AHNAK2: variants seen among roughly 807,000 people sequenced by gnomAD.
AHNAK2 encodes protein AHNAK2.
Under a neutral mutation model 30.7 loss-of-function variants are expected in AHNAK2, and 18 were observed. The ratio of observed to expected loss-of-function variants is 0.59; its 90% CI spans 0.41 to 0.87. AHNAK2 has a LOEUF of 0.87. AHNAK2 is among the 40% of genes least tolerant of loss of function. The pLI is 0.00. For synonymous variants in AHNAK2, 3,590 were observed against 3,073.8 expected (o/e 1.17, Z -5.56); for missense variants, 8,604 against 7,373.0 (o/e 1.17, Z -6.11).
rs770231375 is a variant in AHNAK2 at position 104,944,757 on chromosome 14, T to C, written c.10694A>G (p.Lys3565Arg). The change falls in exon 7 of 7, where the codon AAG becomes AGG. Residue 3565 changes from lysine (K) to arginine (R), a missense_variant. Physicochemically the swap from Lys to Arg is conservative, Grantham distance 26. Coordinates refer to ENST00000333244, the MANE Select transcript of AHNAK2 (RefSeq NM_138420.4). ...GCCCTTGAGGTCCACTTTGGGCGTC[T>C]TTAAACTGGGCATCTCCACTTTGGG... ...HLPKVEMPSL[K>R]TPKVDLKGPQ... 3.1e-6 allele frequency: 5 copies of C among 1,612,198 alleles called. No homozygotes were observed. The highest frequency in any genetic ancestry group is 1.3e-5 in the African/African-American group (1 of 74,708).
intron 1 of AHNAK2, among the ~76,000 whole-genome samples, chr14:104,977,165 G>A (rs909268814): frequency 1.3e-5 from 2 of 152,200 alleles, no homozygotes; most frequent in Non-Finnish European, 2.9e-5. Context: ...CAGCATTGTC[G>A]GCACCATTAG....
In AHNAK2 at chr14:104,957,411, T is replaced by G. The variant is rs374069856; in HGVS notation, c.212A>C (p.Gln71Pro). ...TGGGGCTCTGCCCAGCAGGCTCACC[T>G]GGAGTCCAAAGTCGGCAGCCTCAGT... ...YTTEAADFGL[Q>P]EDAPGRQGSA... Residue 71 changes from glutamine (Q) to proline (P), a missense_variant and splice_region_variant, in exon 3 of 7, where the codon CAG becomes CCG. Gln to Pro is a moderately conservative substitution (Grantham distance 76, BLOSUM62 -1). Transcript: ENST00000333244. 5.7e-6 allele frequency: 9 copies of G among 1,583,710 alleles called. No individual in the cohort carries two copies. Among genetic ancestry groups the G allele is most frequent in the Non-Finnish European group, 7.8e-6 (9 of 1,158,930 alleles).
Position 104,940,467 on chromosome 14 carries a change from A to G in AHNAK2, c.14984T>C (p.Val4995Ala), listed in dbSNP as rs1238812407. 1.2e-6 allele frequency: 2 copies of G among 1,613,786 alleles called. No individual in the cohort carries two copies. Among genetic ancestry groups the G allele is most frequent in the African/African-American group, 1.3e-5 (1 of 75,050 alleles). ...KLSLVLDKDEVAPQSAIHMDL... is the reference protein window; with the variant it reads ...KLSLVLDKDEAAPQSAIHMDL... ...CATGTGGATGGCAGACTGCGGGGCC[A>G]CTTCATCCTTGTCTAAAACCAGGCT... is the stretch of plus-strand genomic sequence containing the variant. Residue 4995 changes from valine to alanine, a missense_variant, in exon 7 of 7, where the codon GTG (valine) becomes GCG (alanine). By Grantham distance (64) the Val-to-Ala change is moderately conservative (BLOSUM62 0). Coordinates refer to ENST00000333244, the MANE Select transcript of AHNAK2 (RefSeq NM_138420.4). This position sits in a 1 kb window ranked among gnomAD's most constrained non-coding sequence, Gnocchi z 4.4.
Position 104,945,396 on chromosome 14 carries a change from T to C in AHNAK2, c.10055A>G (p.Lys3352Arg), listed in dbSNP as rs138075057. ...GAGCTGAATGCTGAGGTCAGTGGTCTTGAGGTCCCCCTGCATGGAGGGGAG... is the reference window on the plus strand; with the variant it reads ...GAGCTGAATGCTGAGGTCAGTGGTCCTGAGGTCCCCCTGCATGGAGGGGAG... Reference protein sequence around the residue: ...VSLPSMQGDLKTTDLSIQLPS... With the variant: ...VSLPSMQGDLRTTDLSIQLPS... Residue 3352 changes from lysine to arginine, a missense_variant, in exon 7 of 7, where the codon AAG (lysine) becomes AGG (arginine). Transcript: ENST00000333244. 1.9e-3 allele frequency: 3,107 copies of C among 1,612,970 alleles called. 73 individuals are homozygous for C. In the African/African-American group the frequency reaches 0.032, roughly 16 times the overall value.
rs1484894907 is a variant in AHNAK2 at position 104,954,614 on chromosome 14, G to C, written c.837C>G (p.His279Gln). 6.2e-7 allele frequency: 1 copy of C among 1,612,050 alleles called. No individual in the cohort carries two copies. The highest frequency in any genetic ancestry group is 1.3e-5 in the African/African-American group (1 of 74,892). Residue 279 changes from histidine (H) to glutamine (Q), a missense_variant, in exon 7 of 7, where the codon CAC (histidine) becomes CAG (glutamine). Transcript: ENST00000333244. This position sits in a 1 kb window ranked among gnomAD's most constrained non-coding sequence, Gnocchi z 4.3. ...TAGGTTCGTAGGCCTCTGACGAGCT[G>C]TGTGACCTCTGGGGTCCCGGCCCCC... ...SKRGPGPQRSHSSSEAYEPRD... is the reference protein window; with the variant it reads ...SKRGPGPQRSQSSSEAYEPRD...
At chr14:104,963,294 C>T (rs188950792) in intron 1 of AHNAK2, among the ~76,000 whole-genome samples, 172 of 152,300 alleles carry the variant, frequency 1.1e-3, no homozygotes, top group African/African-American at 3.4e-3. Context: ...AACAGACACA[C>T]GTACACAAAG....
Position 104,954,656 on chromosome 14 carries a change from T to C in AHNAK2, c.795A>G (p.Gln265=). Residue 265 remains glutamine (Q), a synonymous_variant, in exon 7 of 7, where the codon CAA becomes CAG. Coordinates refer to ENST00000333244, the MANE Select transcript of AHNAK2 (RefSeq NM_138420.4). This position sits in a 1 kb window ranked among gnomAD's most constrained non-coding sequence, Gnocchi z 4.3. ...QRERLSWPKF[Q]SIKSKRGPGP... The stretch of plus-strand genomic sequence containing the variant: ...CCGGCCCCCGCTTGCTCTTTATGGA[T>C]TGAAATTTTGGCCAAGAGAGCCTCT... The C allele has an allele frequency of 6.2e-7, 1 of 1,612,948 alleles. No homozygotes were observed. Among genetic ancestry groups the C allele is most frequent in the Non-Finnish European group, 8.5e-7 (1 of 1,179,736 alleles).
Position 104,943,266 on chromosome 14 carries a change from G to T in AHNAK2, c.12185C>A (p.Pro4062His). 6.2e-7 allele frequency: 1 copy of T among 1,612,906 alleles called. No homozygotes were observed. Among genetic ancestry groups the T allele is most frequent in the Non-Finnish European group, 8.5e-7 (1 of 1,179,528 alleles). The change falls in exon 7 of 7, where the codon CCC becomes CAC. Residue 4062 changes from proline to histidine, a missense_variant. By Grantham distance (77) the Pro-to-His change is moderately conservative. Transcript: ENST00000333244. ...PKVQMPSFKM[P>H]KVDLKGPQID... ...CTGGGGGCCCTTGAGGTCCACTTTG[G>T]GCATCTTGAAACTGGGCATCTGCAC...
At position 104,938,831 on chromosome 14, in the gene AHNAK2, T is replaced by C. The variant is rs756426575; in HGVS notation, c.16620A>G (p.Gln5540=). The C allele has an allele frequency of 6.2e-7, 1 of 1,613,968 alleles. No homozygotes were observed. Among genetic ancestry groups the C allele is most frequent in the African/African-American group, 1.3e-5 (1 of 75,056 alleles). The change falls in exon 7 of 7, where the codon CAA becomes CAG. Residue 5540 remains glutamine (Q), a synonymous_variant. Transcript: ENST00000333244. ...CTGTGCCCTCCTGAGTCCTAGAGTG[T>C]TGAGTCATTGTTGTGTACACTCTAG... ...TQARVYTTMT[Q]HSRTQEGTEE... is the part of the protein sequence containing the mutation.
chr14:104,942,672 G>C lies in AHNAK2; in HGVS notation c.12779C>G (p.Ser4260Cys). The C allele has an allele frequency of 1.9e-6, 3 of 1,613,498 alleles. No homozygotes were observed. The highest frequency in any genetic ancestry group is 2.5e-6 in the Non-Finnish European group (3 of 1,179,722). ...ADVMTPVVEV[S>C]LPSMEVDVEA... ...GACGTCCACCTCCATGCTGGGCAGA[G>C]ACACCTCCACGACGGGGGTCATCAC... is the stretch of plus-strand genomic sequence containing the variant. The change falls in exon 7 of 7, where the codon TCT becomes TGT. Residue 4260 changes from serine (S) to cysteine (C), a missense_variant. Ser to Cys is a moderately radical substitution (Grantham distance 112, BLOSUM62 -1). Coordinates refer to ENST00000333244, the MANE Select transcript of AHNAK2 (RefSeq NM_138420.4).
rs768330257 is a variant in AHNAK2, at chr14:104,941,399, A to G, written c.14052T>C (p.Gly4684=). The G allele has an allele frequency of 5.6e-6, 9 of 1,613,360 alleles. No homozygotes were observed. In the Admixed American group the frequency reaches 1.5e-4, roughly 27 times the overall value. Residue 4684 remains glycine, a synonymous_variant, in exon 7 of 7, where the codon GGT becomes GGC. Transcript: ENST00000333244. ...CTTCTCCAACAGCAAGCCCCAAGTT[A>G]CCATCGCGAGATGGATCATGAAGAT... ...EGDLHDPSRD[G]NLGLAVGEVG... is the part of the protein sequence containing the mutation.
intron 1 of AHNAK2, among the ~76,000 whole-genome samples, chr14:104,973,402 C>T (rs567543431): frequency 1.3e-5 from 2 of 152,306 alleles, no homozygotes; most frequent in South Asian, 2.1e-4. Context: ...AAGGAGCCCG[C>T]GGTGCTGGCT....
At position 104,943,730 on chromosome 14, in the gene AHNAK2, G is replaced by A; in HGVS notation, c.11721C>T (p.Asp3907=). ...PKVDLKGPEI[D]IKGPKLDLKD... is the part of the protein sequence containing the mutation. ...TTAGGTCCAGCTTGGGGCCCTTGAT[G>A]TCTATTTCAGGGCCCTTGAGGTCGA... The change falls in exon 7 of 7, where the codon GAC becomes GAT. Residue 3907 remains aspartate, a synonymous_variant. Transcript: ENST00000333244. 3 of 1,611,724 alleles carry A rather than the reference G, an allele frequency of 1.9e-6. No individual in the cohort carries two copies. Among genetic ancestry groups the A allele is most frequent in the Non-Finnish European group, 2.5e-6 (3 of 1,179,092 alleles).
rs1432783015 is a variant in AHNAK2, at chr14:104,949,426, C to A, written c.6025G>T (p.Ala2009Ser). 2 of 1,587,362 alleles carry A rather than the reference C, an allele frequency of 1.3e-6. No homozygotes were observed. Among genetic ancestry groups the A allele is most frequent in the Non-Finnish European group, 1.7e-6 (2 of 1,162,272 alleles). ...GVSAPGRSIE[A>S]SVDVPAPKVE... The stretch of plus-strand genomic sequence containing the variant: ...TTGGGTGCAGGCACATCCACCGAGG[C>A]CTCGATGGACCTCCCTGGGGCCGAT... Residue 2009 changes from alanine to serine, a missense_variant, in exon 7 of 7, where the codon GCC (alanine) becomes TCC (serine). Ala to Ser is a moderately conservative substitution (Grantham distance 99). Transcript: ENST00000333244.
At chr14:104,970,130 G>A (rs1899434439) in intron 1 of AHNAK2, among the ~76,000 whole-genome samples, 1 of 152,100 alleles carries the variant, frequency 6.6e-6, no homozygotes, top group African/African-American at 2.4e-5. Flanking sequence ...TTGGAAACAA[G>A]AGCCACTGTC....
chr14:104,948,899 C>T lies in AHNAK2; in HGVS notation c.6552G>A (p.Glu2184=), dbSNP rs371142129. 553 of 1,603,434 alleles carry T rather than the reference C, an allele frequency of 3.4e-4. 4 individuals are homozygous for T. Among genetic ancestry groups the T allele is most frequent in the African/African-American group, 1.2e-3 (91 of 73,508 alleles). The change falls in exon 7 of 7, where the codon GAG becomes GAA. Residue 2184 remains glutamate (E), a synonymous_variant. Coordinates refer to ENST00000333244, the MANE Select transcript of AHNAK2 (RefSeq NM_138420.4). ...GCATGGAGGGGAGACTCATGTCGGC[C>T]TCCACCTTGGGTGGAGACACATCCA... is the stretch of plus-strand genomic sequence containing the variant. The part of the protein sequence containing the change: ...ASVDVSPPKV[E]ADMSLPSMQG...
Position 104,966,450 on chromosome 14 carries a change from C to T in AHNAK2, c.56-8778G>A, listed in dbSNP as rs1313520335. Among the ~76,000 whole-genome samples the T allele has an allele frequency of 6.6e-6, 1 of 152,206 alleles. No homozygotes were observed. The highest frequency in any genetic ancestry group is 2.4e-5 in the African/African-American group (1 of 41,440). On this transcript the variant is annotated intron_variant, in intron 1 of 6. Transcript: ENST00000333244. The surrounding 1 kb of genome is among the most constrained non-coding windows in gnomAD (Gnocchi z 4.3). ...AAGACCCTGTCTCCCTTCTGCACAGCTCTGTCCTGGCCACCTGGGCCCATC... is the reference window on the plus strand; with the variant it reads ...AAGACCCTGTCTCCCTTCTGCACAGTTCTGTCCTGGCCACCTGGGCCCATC...
In AHNAK2 at chr14:104,957,440, G is replaced by A; in HGVS notation, c.183C>T (p.Tyr61=). The A allele has an allele frequency of 1.3e-6, 2 of 1,595,884 alleles. No homozygotes were observed. The highest frequency in any genetic ancestry group is 8.6e-7 in the Non-Finnish European group (1 of 1,166,656). The change falls in exon 3 of 7, where the codon TAC becomes TAT. Residue 61 remains tyrosine, a synonymous_variant. Transcript: ENST00000333244. ...GTCCAAAGTCGGCAGCCTCAGTCGT[G>A]TATTCGTAGACAGGTGAAGACCCCT... The part of the protein sequence containing the change: ...RPQGSSPVYE[Y]TTEAADFGLQ...
chr14:104,947,762 T>C lies in AHNAK2; in HGVS notation c.7689A>G (p.Lys2563=). 6.2e-7 allele frequency: 1 copy of C among 1,612,734 alleles called. No homozygotes were observed. The highest frequency in any genetic ancestry group is 2.2e-5 in the East Asian group (1 of 44,752). Residue 2563 remains lysine, a synonymous_variant, in exon 7 of 7, where the codon AAA becomes AAG. Transcript: ENST00000333244. ...GCATCTGCACCTTGGGCAGGTGCCC[T>C]TTGAGGCCGGCTCCCTCCGGCACAG... ...EGPVPEGAGL[K]GHLPKVQMPS...
Sources: gnomAD v4.1 joint callset for allele counts (sites outside exome capture counted in the v4.1 genomes callset) on GRCh38, gnomAD v4.1.1 for gene constraint, Gnocchi (gnomAD v3.1) non-coding constraint, MANE v1.5 for transcripts, NCBI Gene and HGNC (gene_info 2026-07-23, HGNC 2026-07-21) for gene names.